ABCC2: variants seen among roughly 807,000 people sequenced by gnomAD.
ABCC2 encodes ATP binding cassette subfamily C member 2.
A neutral mutation model predicts 173.4 loss-of-function variants in ABCC2; 157 were observed. The ratio of observed to expected loss-of-function variants is 0.91; its 90% CI spans 0.80 to 1.03. ABCC2 has a LOEUF of 1.03. ABCC2 is among the 50% of genes least tolerant of loss of function. The pLI is 0.00. For synonymous variants in ABCC2, 657 were observed against 693.5 expected (o/e 0.95, Z 0.83); for missense variants, 1,822 against 1,852.3 (o/e 0.98, Z 0.30).
chr10:99,819,346 G>T (rs1445232107), intron 19 of ABCC2, 77 bp downstream of exon 19: 6 of 1,377,732 alleles, frequency 4.4e-6, no homozygotes, highest in South Asian at 1.2e-5. Flanking sequence ...TTCCTGAACT[G>T]CTCAGTATCC....
At position 99,814,648 on chromosome 10, in the gene ABCC2, T is replaced by C. The variant is rs868571768; in HGVS notation, c.2094+1504T>C. Among the ~76,000 whole-genome samples the C allele has an allele frequency of 1.2e-3, 99 of 85,912 alleles. 2 individuals carry two copies. The highest frequency in any genetic ancestry group is 5.2e-3 in the African/African-American group (84 of 16,230). 56.4% of individuals were successfully genotyped at this position (85,912 alleles called of 152,430 possible). On this transcript the variant is annotated intron_variant, in intron 16 of 31. Transcript: ENST00000647814. Reference sequence around the variant, plus strand: ...ACACACATATGTGTATATACACATATACACACACATATGTGTATATACACA... The same window carrying C: ...ACACACATATGTGTATATACACATACACACACACATATGTGTATATACACA...
At position 99,783,400 on chromosome 10, in the gene ABCC2, AAG is replaced by A. The variant is rs564908038; in HGVS notation, c.33+527_33+528del. ...GGGTAATATTGTTTTTAAGGAAAAG[AAG>A]AGACACCACTTAGAGGGTGAACAAG... On this transcript the variant is annotated intron_variant, in intron 1 of 31. Transcript: ENST00000647814. Among the ~76,000 whole-genome samples, 16 of 152,324 alleles carry A rather than the reference AAG, an allele frequency of 1.1e-4. No homozygotes were observed. In the South Asian group the frequency reaches 3.3e-3, roughly 32 times the overall value.
At position 99,844,451 on chromosome 10, in the gene ABCC2, G is replaced by A. The variant is rs759452729; in HGVS notation, c.3973G>A (p.Gly1325Ser). The stretch of plus-strand genomic sequence containing the variant: ...CCTCAGAGGGATCACTTGTGACATC[G>A]GTAGCATGGAGAAGGTAGGTGGAGT... ...LVLRGITCDI[G>S]SMEKIGVVGR... Residue 1325 changes from glycine (G) to serine (S), a missense_variant, in exon 28 of 32, where the codon GGT becomes AGT. Physicochemically the swap from Gly to Ser is moderately conservative, Grantham distance 56 (BLOSUM62 0). Coordinates refer to ENST00000647814, the MANE Select transcript of ABCC2 (RefSeq NM_000392.5). The A allele has an allele frequency of 3.7e-5, 60 of 1,613,786 alleles. 1 individual carries two copies. In the Middle Eastern group the frequency reaches 6.6e-3, roughly 177 times the overall value.
rs1190693560 is a variant in ABCC2 at position 99,797,111 on chromosome 10, G to A, written c.647G>A (p.Gly216Asp). The change falls in exon 7 of 32, where the codon GGC (glycine) becomes GAC (aspartate). Residue 216 changes from glycine to aspartate, a missense_variant. Coordinates refer to ENST00000647814, the MANE Select transcript of ABCC2 (RefSeq NM_000392.5). Reference protein sequence around the residue: ...YSWYDSIILKGYKRPLTLEDV... With the variant: ...YSWYDSIILKDYKRPLTLEDV... ...TCTTGTTCCAGCATCATTCTGAAAG[G>A]CTACAAGCGTCCTCTGACACTCGAG... is the stretch of plus-strand genomic sequence containing the variant. The A allele has an allele frequency of 6.2e-7, 1 of 1,614,102 alleles. No individual in the cohort carries two copies. Among genetic ancestry groups the A allele is most frequent in the Non-Finnish European group, 8.5e-7 (1 of 1,179,990 alleles).
Position 99,852,137 on chromosome 10 carries a change from G to A in ABCC2, c.*506G>A, listed in dbSNP as rs2039095385. The A allele has an allele frequency of 6.3e-6, 1 of 157,744 alleles. No individual in the cohort carries two copies. Among genetic ancestry groups the A allele is most frequent in the Admixed American group, 6.1e-5 (1 of 16,278 alleles). 9.8% of individuals were successfully genotyped at this position (157,744 alleles called of 1,614,324 possible). On this transcript the variant is annotated 3_prime_UTR_variant, in exon 32 of 32. Transcript: ENST00000647814. The stretch of plus-strand genomic sequence containing the variant: ...AGCACAATGTATCAGTTTTAATATT[G>A]GGGATCATTAGCATTATTCTCAGGT...
In ABCC2 at chr10:99,814,131, G is replaced by GTATATACACATATATATACACATATA. The variant is rs2038273147; in HGVS notation, c.2094+988_2094+989insATATACACATATATATACACATATAT. On this transcript the variant is annotated intron_variant, in intron 16 of 31. Coordinates refer to ENST00000647814, the MANE Select transcript of ABCC2 (RefSeq NM_000392.5). ...CATATGTGTATATACACACATATGT[G>GTATATACACATATATATACACATATA]TGTATATATACACACATGTATGTAT... Among the ~76,000 whole-genome samples the GTATATACACATATATATACACATATA allele has an allele frequency of 2.2e-4, 24 of 110,652 alleles. 6 individuals carry two copies. Among genetic ancestry groups the GTATATACACATATATATACACATATA allele is most frequent in the African/African-American group, 8.9e-4 (24 of 27,074 alleles). 72.6% of individuals were successfully genotyped at this position (110,652 alleles called of 152,430 possible).
At position 99,814,624 on chromosome 10, in the gene ABCC2, CACACATATGTGTATATACACAT is replaced by C. The variant is rs1360464806; in HGVS notation, c.2094+1482_2094+1503del. Among the ~76,000 whole-genome samples the C allele has an allele frequency of 5.2e-4, 58 of 111,952 alleles. 13 individuals are homozygous for C. The highest frequency in any genetic ancestry group is 1.7e-3 in the African/African-American group (55 of 31,918). The allele number at this position is 111,952 out of a possible 152,430, so 73.4% of individuals were successfully genotyped here. On this transcript the variant is annotated intron_variant, in intron 16 of 31. Transcript: ENST00000647814. ...ACACATATGTGTATATACACATATACACACATATGTGTATATACACATATACACACACATATGTGTATATACA... is the reference window on the plus strand; with the variant it reads ...ACACATATGTGTATATACACATATACATACACACACATATGTGTATATACA...
chr10:99,835,326 T>C (rs1172533012), intron 24 of ABCC2, among the ~76,000 whole-genome samples: 1 of 152,140 alleles, frequency 6.6e-6, no homozygotes, highest in Non-Finnish European at 1.5e-5. Flanking sequence ...TAACTATTAA[T>C]AACAAGCCAA....
At chr10:99,801,868 G>A (rs577279719) in intron 9 of ABCC2, among the ~76,000 whole-genome samples, 13 of 152,278 alleles carry the variant, frequency 8.5e-5, no homozygotes, top group Admixed American at 3.3e-4. Flanking sequence ...ATGTTGGTTC[G>A]TTGAGAGACA....
chr10:99,804,146 T>G lies in ABCC2; in HGVS notation c.1337T>G (p.Leu446Arg), dbSNP rs1339023045. The G allele has an allele frequency of 1.2e-6, 2 of 1,614,216 alleles. No homozygotes were observed. Among genetic ancestry groups the G allele is most frequent in the Non-Finnish European group, 1.7e-6 (2 of 1,180,046 alleles). ...NFMHMLWSSV[L>R]QIVLSIFFLW... ...ATGCACATGCTGTGGTCAAGTGTTCTACAGATTGTCTTATCTATCTTCTTC... is the reference window on the plus strand; with the variant it reads ...ATGCACATGCTGTGGTCAAGTGTTCGACAGATTGTCTTATCTATCTTCTTC... Residue 446 changes from leucine to arginine, a missense_variant, in exon 10 of 32, where the codon CTA (leucine) becomes CGA (arginine). By Grantham distance (102) the Leu-to-Arg change is moderately radical. Coordinates refer to ENST00000647814, the MANE Select transcript of ABCC2 (RefSeq NM_000392.5).
Position 99,813,127 on chromosome 10 carries a change from G to C in ABCC2, c.2077G>C (p.Gly693Arg), listed in dbSNP as rs765570396. The change falls in exon 16 of 32, where the codon GGG (glycine) becomes CGG (arginine). Residue 693 changes from glycine (G) to arginine (R), a missense_variant. Coordinates refer to ENST00000647814, the MANE Select transcript of ABCC2 (RefSeq NM_000392.5). ...GCTGGGAGAAATGGAAAATGTCCAC[G>C]GGCACATCACCATCAAGGTGAGAGG... is the stretch of plus-strand genomic sequence containing the variant. ...AMLGEMENVH[G>R]HITIKGTTAY... 6.2e-7 allele frequency: 1 copy of C among 1,613,774 alleles called. No individual in the cohort carries two copies. The highest frequency in any genetic ancestry group is 1.1e-5 in the South Asian group (1 of 91,064).
Position 99,813,098 on chromosome 10 carries a change from C to T in ABCC2, c.2048C>T (p.Ala683Val). The change falls in exon 16 of 32, where the codon GCC (alanine) becomes GTC (valine). Residue 683 changes from alanine (A) to valine (V), a missense_variant. Ala to Val is a moderately conservative substitution (Grantham distance 64, BLOSUM62 0). Coordinates refer to ENST00000647814, the MANE Select transcript of ABCC2 (RefSeq NM_000392.5). ...VGSGKSSLIS[A>V]MLGEMENVHG... Reference sequence around the variant, plus strand: ...TCTGGGAAATCCTCCTTGATATCAGCCATGCTGGGAGAAATGGAAAATGTC... The same window carrying T: ...TCTGGGAAATCCTCCTTGATATCAGTCATGCTGGGAGAAATGGAAAATGTC... 2 of 1,614,018 alleles carry T rather than the reference C, an allele frequency of 1.2e-6. No individual in the cohort carries two copies. Among genetic ancestry groups the T allele is most frequent in the Non-Finnish European group, 1.7e-6 (2 of 1,179,924 alleles).
At chr10:99,836,983 T>C (rs1475201056) in intron 25 of ABCC2, among the ~76,000 whole-genome samples, 1 of 152,242 alleles carries the variant, frequency 6.6e-6, no homozygotes, top group Admixed American at 6.5e-5. Context: ...AGTTTGATTG[T>C]AAAGATATTT....
intron 30 of ABCC2, 53 bp downstream of exon 30, chr10:99,847,180 C>G: frequency 6.3e-7 from 1 of 1,590,542 alleles, no homozygotes; most frequent in Non-Finnish European, 8.6e-7. Flanking sequence ...TGTGAGGGGG[C>G]CACTCCTCGT....
chr10:99,784,842 T>C, intron 2 of ABCC2, 61 bp downstream of exon 2: 1 of 1,589,606 alleles, frequency 6.3e-7, no homozygotes, highest in Non-Finnish European at 8.6e-7. Context: ...AGACATTTTC[T>C]TGGTGGTTAG....
intron 16 of ABCC2, among the ~76,000 whole-genome samples, chr10:99,815,915 A>C (rs1232195700): frequency 6.6e-6 from 1 of 151,692 alleles, no homozygotes; most frequent in Admixed American, 6.6e-5. Context: ...TTGCTAACTC[A>C]TAACTGGGTT....
In ABCC2 at chr10:99,793,477, C is replaced by A. The variant is rs2037841557; in HGVS notation, c.334-74C>A. 5.0e-6 allele frequency: 8 copies of A among 1,597,356 alleles called. No individual in the cohort carries two copies. The Admixed American group carries it at 1.2e-4, about 23-fold the overall frequency. ...CTCAGCCCTCCTTTCTTCCCATGTT[C>A]TCTGACATCCTTCTCCCCTCAGTCC... On this transcript the variant is annotated intron_variant, in intron 3 of 31. Coordinates refer to ENST00000647814, the MANE Select transcript of ABCC2 (RefSeq NM_000392.5).
intron 26 of ABCC2, 42 bp downstream of exon 26, chr10:99,842,135 A>G: frequency 6.2e-7 from 1 of 1,613,266 alleles, no homozygotes; most frequent in South Asian, 1.1e-5. Flanking sequence ...TAGTGTGCTT[A>G]TTCTTAAATT....
chr10:99,822,052 G>A (rs941748417), intron 19 of ABCC2, among the ~76,000 whole-genome samples: 1 of 152,062 alleles, frequency 6.6e-6, no homozygotes, highest in Admixed American at 6.5e-5. Context: ...CTCAGGTTTG[G>A]CAGGGCAGCG....
Sources: allele counts gnomAD v4.1 joint callset (sites outside exome capture counted in the v4.1 genomes callset), GRCh38; gene constraint gnomAD v4.1.1; transcripts MANE v1.5; gene names NCBI Gene and HGNC (gene_info 2026-07-23, HGNC 2026-07-21).